SORCS3: variants seen among roughly 807,000 people sequenced by gnomAD.
The protein encoded by SORCS3 is VPS10 domain-containing receptor SorCS3.
In SORCS3, 57 loss-of-function variants were observed where a neutral mutation model predicts 146.3. The observed-to-expected ratio is 0.39, with a 90% CI of 0.31 to 0.49. The LOEUF is 0.49. Ranked by LOEUF, SORCS3 falls within the 20% of genes least tolerant of loss-of-function variation. SORCS3 has a pLI of 0.92. For synonymous variants in SORCS3, 653 were observed against 618.5 expected, an observed-to-expected ratio of 1.06 and a Z score of -0.83; for missense variants, 1,341 against 1,575.5, an observed-to-expected ratio of 0.85 and a Z score of 2.52.
intron 1 of SORCS3, among the ~76,000 whole-genome samples, chr10:104,822,751 C>G (rs963200941): frequency 6.6e-6 from 1 of 152,164 alleles, no homozygotes; most frequent in Non-Finnish European, 1.5e-5. Context: ...TGGGATTTAT[C>G]AGCACTTTCC....
chr10:104,994,643 A>G (rs1283195251), intron 4 of SORCS3, among the ~76,000 whole-genome samples: 1 of 152,038 alleles, frequency 6.6e-6, no homozygotes, highest in Non-Finnish European at 1.5e-5. Flanking sequence ...AATTGGTGGT[A>G]CTCTTTATAT....
At chr10:105,219,166 G>A (rs1312214312) in intron 19 of SORCS3, among the ~76,000 whole-genome samples, 1 of 152,186 alleles carries the variant, frequency 6.6e-6, no homozygotes, top group East Asian at 1.9e-4. Flanking sequence ...CTCAGCTAAA[G>A]TTTCACTCAT....
At chr10:104,672,524 C>A (rs563929700) in intron 1 of SORCS3, among the ~76,000 whole-genome samples, 1 of 151,806 alleles carries the variant, frequency 6.6e-6, no homozygotes, top group East Asian at 1.9e-4. Context: ...TCTTCTTTTT[C>A]TAGATTCTTA....
intron 7 of SORCS3, among the ~76,000 whole-genome samples, chr10:105,124,897 A>G (rs2055962349): frequency 6.6e-6 from 1 of 152,206 alleles, no homozygotes; most frequent in African/African-American, 2.4e-5. Context: ...GCTGTACCCA[A>G]GGCCTTCTGT....
intron 1 of SORCS3, among the ~76,000 whole-genome samples, chr10:104,690,805 C>T (rs964683123): frequency 1.3e-5 from 2 of 149,982 alleles, no homozygotes; most frequent in Admixed American, 6.7e-5. Flanking sequence ...GACTGTGCAT[C>T]GAGGGACCAG....
intron 3 of SORCS3, among the ~76,000 whole-genome samples, chr10:104,925,782 G>A (rs1434776112): frequency 6.6e-6 from 1 of 152,202 alleles, no homozygotes; most frequent in Non-Finnish European, 1.5e-5. Context: ...GGAGGCTGGA[G>A]AAGGTAGCAA....
chr10:105,084,050 G>A (rs1335713324), intron 5 of SORCS3, among the ~76,000 whole-genome samples: 1 of 152,182 alleles, frequency 6.6e-6, no homozygotes, highest in African/African-American at 2.4e-5. Flanking sequence ...AGTTGTTTAA[G>A]CTCTTATGAC....
chr10:105,167,175 A>G (rs2056320684), intron 12 of SORCS3, 83 bp from the exon 13 acceptor site: 15 of 1,076,634 alleles, frequency 1.4e-5, no homozygotes, highest in African/African-American at 3.1e-5. Flanking sequence ...ATGAAACAAT[A>G]TATGTGAAAG....
intron 16 of SORCS3, among the ~76,000 whole-genome samples, chr10:105,209,870 T>C (rs2056623808): frequency 6.6e-6 from 1 of 152,188 alleles, no homozygotes; most frequent in African/African-American, 2.4e-5. Flanking sequence ...CAATTGGTTC[T>C]TCTTAGCTCT....
intron 1 of SORCS3, among the ~76,000 whole-genome samples, chr10:104,646,529 G>A (rs1357305894): frequency 6.6e-6 from 1 of 152,204 alleles, no homozygotes; most frequent in Non-Finnish European, 1.5e-5. Context: ...GAGCAGAGAG[G>A]TGCAACAAAG....
chr10:104,759,992 G>C (rs539665951), intron 1 of SORCS3, among the ~76,000 whole-genome samples: 1 of 152,370 alleles, frequency 6.6e-6, no homozygotes. Context: ...GACAGCTAGA[G>C]ATACGGGGCC....
intron 13 of SORCS3, among the ~76,000 whole-genome samples, chr10:105,168,112 T>C (rs533206174): frequency 6.6e-6 from 1 of 151,830 alleles, no homozygotes; most frequent in African/African-American, 2.4e-5. Flanking sequence ...AGGAGGTTTT[T>C]CATGATTTTT....
At chr10:104,739,725 A>G (rs1321901141) in intron 1 of SORCS3, among the ~76,000 whole-genome samples, 1 of 152,202 alleles carries the variant, frequency 6.6e-6, no homozygotes, top group Non-Finnish European at 1.5e-5. Context: ...ATCTGGAGTC[A>G]CTGCTGTGCT....
At chr10:105,157,347 G>C (rs878913423) in intron 10 of SORCS3, 63 bp downstream of exon 10, 2 of 1,591,480 alleles carry the variant, frequency 1.3e-6, no homozygotes, top group Admixed American at 1.7e-5. Context: ...AAGCTGTGTC[G>C]AGGGCTTTGT....
chr10:105,008,754 C>T (rs1338141063), intron 4 of SORCS3, among the ~76,000 whole-genome samples: 1 of 152,228 alleles, frequency 6.6e-6, no homozygotes, highest in East Asian at 1.9e-4. Context: ...TCAAGCAATT[C>T]TCCTGCCTCA....
chr10:104,888,756 T>TACAGCTAACCTGTATAA (rs1390100519), intron 2 of SORCS3, among the ~76,000 whole-genome samples: 1 of 152,198 alleles, frequency 6.6e-6, no homozygotes, highest in Non-Finnish European at 1.5e-5. Context: ...ATCCATGTTA[T>TACAGCTAACCTGTATAA]ACAGGTGTTA....
At chr10:104,848,167 C>T (rs2018229107) in intron 2 of SORCS3, among the ~76,000 whole-genome samples, 2 of 152,160 alleles carry the variant, frequency 1.3e-5, no homozygotes, top group Admixed American at 1.3e-4. Flanking sequence ...CCAATCCCAG[C>T]ACCAGCCCCG....
intron 2 of SORCS3, among the ~76,000 whole-genome samples, chr10:104,846,589 A>G (rs2018207528): frequency 6.6e-6 from 1 of 152,232 alleles, no homozygotes; most frequent in African/African-American, 2.4e-5. Context: ...TTCAGAGGCC[A>G]TCTACTTCTA....
At chr10:104,721,493 G>A (rs1177748094) in intron 1 of SORCS3, among the ~76,000 whole-genome samples, 1 of 151,526 alleles carries the variant, frequency 6.6e-6, no homozygotes, top group Non-Finnish European at 1.5e-5. Flanking sequence ...CTTTAAAGTA[G>A]TTTTTTCCAA....
Sources: allele counts gnomAD v4.1 joint callset (sites outside exome capture counted in the v4.1 genomes callset), GRCh38; gene constraint gnomAD v4.1.1; transcripts MANE v1.5; gene names NCBI Gene and HGNC (gene_info 2026-07-23, HGNC 2026-07-21).